Variants in CNBD2 observed in about 807,000 individuals in gnomAD.
The protein encoded by CNBD2 is cyclic nucleotide-binding domain-containing protein 2.
A neutral mutation model predicts 63.7 loss-of-function variants in CNBD2; 64 were observed. The ratio of observed to expected loss-of-function variants is 1.00; its 90% CI spans 0.82 to 1.24. CNBD2 has a LOEUF of 1.24. Among genes scored for constraint, CNBD2 ranks in the 50% most tolerant of loss-of-function variants. CNBD2 has a pLI of 0.00. For missense variants in CNBD2, 691 were observed against 713.5 expected (o/e 0.97, Z 0.36); for synonymous variants, 229 against 255.4 (o/e 0.90, Z 0.99).
downstream of CNBD2, among the ~76,000 whole-genome samples, chr20:35,956,285 C>T (rs1002087003): frequency 2.0e-5 from 3 of 152,118 alleles, no homozygotes; most frequent in Non-Finnish European, 4.4e-5. Context: ...TTGCAGTGGG[C>T]CTTTAATGTT....
At chr20:35,970,954 T>C (rs893468099) in intron 1 of CNBD2, among the ~76,000 whole-genome samples, 19 of 150,582 alleles carry the variant, frequency 1.3e-4, no homozygotes, top group Admixed American at 9.2e-4. Flanking sequence ...CTTTTTCTTT[T>C]TTTTTTTTTT....
chr20:35,954,604 T>A, upstream of CNBD2: 1 of 1,380,070 alleles, frequency 7.2e-7, no homozygotes, highest in Non-Finnish European at 9.6e-7. Context: ...GCCCTCGCGG[T>A]GCGGGAGGGC....
At chr20:36,008,175 A>T (rs2057009772) in intron 8 of CNBD2, 122 bp from the exon 9 acceptor site, 3 of 764,512 alleles carry the variant, frequency 3.9e-6, no homozygotes, top group African/African-American at 3.5e-5. Flanking sequence ...TTTTTTTTTA[A>T]AAAATTTCCC....
chr20:36,015,371 G>T (rs1428622273), intron 10 of CNBD2, among the ~76,000 whole-genome samples: 3 of 152,062 alleles, frequency 2.0e-5, no homozygotes, highest in Non-Finnish European at 2.9e-5. Flanking sequence ...TTAGTTTGAT[G>T]CAATCTCATT....
downstream of CNBD2, among the ~76,000 whole-genome samples, chr20:35,957,402 C>A (rs900263630): frequency 6.6e-6 from 1 of 151,648 alleles, no homozygotes; most frequent in Admixed American, 6.6e-5. Context: ...GCCTGGGCAA[C>A]ATGATGAAAC....
At chr20:36,029,404 C>G (rs1230706840) in intron 11 of CNBD2, among the ~76,000 whole-genome samples, 2 of 152,150 alleles carry the variant, frequency 1.3e-5, no homozygotes, top group African/African-American at 4.8e-5. Context: ...GTGAGGACTA[C>G]CCAGTAGTGT....
intron 8 of CNBD2, among the ~76,000 whole-genome samples, chr20:36,001,253 T>C (rs554680557): frequency 6.6e-6 from 1 of 151,704 alleles, no homozygotes; most frequent in African/African-American, 2.4e-5. Context: ...AGCTGTTGGG[T>C]ACACCTCCCA....
chr20:35,972,750 T>G lies in CNBD2; in HGVS notation c.173T>G (p.Ile58Ser). The G allele has an allele frequency of 6.2e-7, 1 of 1,614,170 alleles. No individual in the cohort carries two copies. Among genetic ancestry groups the G allele is most frequent in the Non-Finnish European group, 8.5e-7 (1 of 1,180,020 alleles). The stretch of plus-strand genomic sequence containing the variant: ...GAGACTGCTCACTGGAAGCACCCTA[T>G]CTTCTCCTTCTGGGATGTAAGCAGT... ...IIETAHWKHP[I>S]FSFWDKKMQS... The change falls in exon 2 of 12, where the codon ATC becomes AGC. Residue 58 changes from isoleucine to serine, a missense_variant. By Grantham distance (142) the Ile-to-Ser change is moderately radical. Coordinates refer to ENST00000373973, the MANE Select transcript of CNBD2 (RefSeq NM_001365709.1).
At chr20:36,024,630 A>AAAT (rs1046824594) in intron 11 of CNBD2, among the ~76,000 whole-genome samples, 4 of 146,932 alleles carry the variant, frequency 2.7e-5, no homozygotes, top group Non-Finnish European at 6.0e-5. Context: ...TTCCATCTCA[A>AAAT]AATAATAATA....
At chr20:35,960,646 C>G (rs567918070) in intron 2 of CNBD2, among the ~76,000 whole-genome samples, 117 of 152,216 alleles carry the variant, frequency 7.7e-4, no homozygotes, top group African/African-American at 2.4e-3. Context: ...AGCCACCGTG[C>G]CTGCCCCTAC....
In CNBD2 at chr20:36,011,006, G is replaced by C. The variant is rs2590977; in HGVS notation, c.1149-131G>C. The C allele has an allele frequency of 3.4e-3, 3,286 of 971,452 alleles. 85 individuals carry two copies. The African/African-American group carries it at 0.05, about 15-fold the overall frequency. The allele number at this position is 971,452 out of a possible 1,614,324, so 60.2% of individuals were successfully genotyped here. A position where few individuals can be genotyped will look rare whatever the true frequency, so the allele number is the denominator to read the frequency against. ...TCAGGGCTTGATTTTGAGTTTTCTCGCCTTCTGGGAAGTTGTGAATTCCCC... is the reference window on the plus strand; with the variant it reads ...TCAGGGCTTGATTTTGAGTTTTCTCCCCTTCTGGGAAGTTGTGAATTCCCC... On this transcript the variant is annotated intron_variant, in intron 9 of 11. Transcript: ENST00000373973.
intron 10 of CNBD2, among the ~76,000 whole-genome samples, chr20:36,018,922 A>G (rs2057170963): frequency 6.6e-6 from 1 of 152,170 alleles, no homozygotes; most frequent in African/African-American, 2.4e-5. Context: ...GTGAGCTGCC[A>G]CCTCTAAAGT....
intron 8 of CNBD2, among the ~76,000 whole-genome samples, chr20:36,006,176 G>A (rs952034341): frequency 6.6e-6 from 1 of 150,994 alleles, no homozygotes; most frequent in African/African-American, 2.4e-5. Context: ...TTACAGGCAT[G>A]CACCACCATG....
At chr20:35,968,135 C>T (rs1321953610), upstream of CNBD2, among the ~76,000 whole-genome samples, 1 of 152,206 alleles carries the variant, frequency 6.6e-6, no homozygotes, top group Non-Finnish European at 1.5e-5. Context: ...TATACGCATT[C>T]CTACCCACTT....
intron 6 of CNBD2, 22 bp downstream of exon 6, chr20:35,984,800 AT>A (rs767549764): frequency 3.1e-6 from 5 of 1,612,678 alleles, no homozygotes; most frequent in Non-Finnish European, 4.2e-6. Flanking sequence ...TTCATTCAAC[AT>A]TTTTTTCCCC....
At chr20:35,998,385 C>T (rs1281047540) in intron 8 of CNBD2, among the ~76,000 whole-genome samples, 2 of 151,968 alleles carry the variant, frequency 1.3e-5, no homozygotes, top group African/African-American at 2.4e-5. Flanking sequence ...TGATTTGAAT[C>T]CTCTGAAATG....
intron 7 of CNBD2, among the ~76,000 whole-genome samples, chr20:35,994,804 G>A (rs1245257581): frequency 1.2e-4 from 18 of 151,912 alleles, no homozygotes; most frequent in Non-Finnish European, 1.9e-4. Flanking sequence ...CAGGAGAATC[G>A]CTTGAACTCA....
intron 10 of CNBD2, among the ~76,000 whole-genome samples, chr20:36,016,921 T>A (rs2057141260): frequency 7.4e-6 from 1 of 135,244 alleles, no homozygotes; most frequent in African/African-American, 2.7e-5. Flanking sequence ...TAGCTGGGCA[T>A]GGTGACATTT....
At chr20:36,007,553 T>C (rs2057002019) in intron 8 of CNBD2, among the ~76,000 whole-genome samples, 1 of 152,130 alleles carries the variant, frequency 6.6e-6, no homozygotes. Context: ...TGAGGCAAAG[T>C]CTTACTGTTG....
Sources: gnomAD v4.1 joint callset for allele counts (sites outside exome capture counted in the v4.1 genomes callset) on GRCh38, gnomAD v4.1.1 for gene constraint, MANE v1.5 for transcripts, NCBI Gene and HGNC (gene_info 2026-07-23, HGNC 2026-07-21) for gene names.